ELMO1: variants seen among roughly 807,000 people sequenced by gnomAD.
ELMO1 encodes the protein engulfment and cell motility protein 1.
A neutral mutation model predicts 98.9 loss-of-function variants in ELMO1; 26 were observed. The observed-to-expected ratio is 0.26, with a 90% CI of 0.19 to 0.36. The LOEUF (loss-of-function observed/expected upper bound fraction) is 0.36, where lower values mean the gene tolerates loss of function less well. Among genes scored for constraint, ELMO1 ranks in the 10% least tolerant of loss-of-function variants. The probability of loss-of-function intolerance (pLI) is 1.00; values close to 1 mark genes in which losing one functional copy is unlikely to be tolerated. For missense variants in ELMO1, 627 were observed against 935.2 expected, an observed-to-expected ratio of 0.67 and a Z score of 4.30; for synonymous variants, 346 against 346.0, an observed-to-expected ratio of 1.00 and a Z score of 0.00.
At chr7:37,173,453 G>A (rs773570002) in intron 13 of ELMO1, among the ~76,000 whole-genome samples, 4 of 152,172 alleles carry the variant, frequency 2.6e-5, no homozygotes, top group Non-Finnish European at 2.9e-5. Flanking sequence ...AATCTGCCTC[G>A]GATTATACAT....
At chr7:36,938,627 T>A (rs1263360163) in intron 16 of ELMO1, among the ~76,000 whole-genome samples, 1 of 152,244 alleles carries the variant, frequency 6.6e-6, no homozygotes, top group Non-Finnish European at 1.5e-5. Context: ...CATATTATGA[T>A]TAACCATAAC....
chr7:37,058,573 C>T (rs373313268), intron 15 of ELMO1, among the ~76,000 whole-genome samples: 34 of 152,120 alleles, frequency 2.2e-4, no homozygotes, highest in South Asian at 2.1e-3. Context: ...GGTACTGACG[C>T]GAAATGATTC....
chr7:37,260,866 T>G (rs746972704), intron 5 of ELMO1, among the ~76,000 whole-genome samples: 1 of 152,210 alleles, frequency 6.6e-6, no homozygotes, highest in Non-Finnish European at 1.5e-5. Flanking sequence ...AGTGGAGAGC[T>G]GGGTGAGAAT....
intron 13 of ELMO1, among the ~76,000 whole-genome samples, chr7:37,184,915 CCAT>C (rs1229037193): frequency 6.6e-6 from 1 of 152,042 alleles, no homozygotes; most frequent in Non-Finnish European, 1.5e-5. Context: ...AAAAAAAAGT[CCAT>C]CACGAATTAC....
intron 19 of ELMO1, among the ~76,000 whole-genome samples, chr7:36,872,273 G>A (rs577190328): frequency 6.6e-6 from 1 of 152,172 alleles, no homozygotes; most frequent in South Asian, 2.1e-4. Context: ...GGCTCAGGGA[G>A]GACAAGGTGA....
chr7:37,160,983 G>A (rs527593613), intron 13 of ELMO1, among the ~76,000 whole-genome samples: 1 of 152,166 alleles, frequency 6.6e-6, no homozygotes, highest in African/African-American at 2.4e-5. Context: ...ACCTCTCTAA[G>A]GCCACTTCTT....
intron 1 of ELMO1, among the ~76,000 whole-genome samples, chr7:37,372,412 G>T (rs1170927525): frequency 3.9e-5 from 6 of 151,982 alleles, no homozygotes; most frequent in Admixed American, 3.9e-4. Context: ...TAACTCATAG[G>T]GTTGCTGTGA....
In ELMO1 at chr7:37,152,730, C is replaced by G. The variant is rs986626174; in HGVS notation, c.1087-19496G>C. Among the ~76,000 whole-genome samples the G allele has an allele frequency of 2.0e-5, 3 of 152,066 alleles. No individual in the cohort carries two copies. The South Asian group carries it at 6.2e-4, about 32-fold the overall frequency. On this transcript the variant is annotated intron_variant, in intron 13 of 21. Transcript: ENST00000310758. The stretch of plus-strand genomic sequence containing the variant: ...ATTTAGTGAAGTTAAGGAGAAAAGG[C>G]TCTGGTTTAAAAAAGAAGAAAATGA...
intron 1 of ELMO1, among the ~76,000 whole-genome samples, chr7:37,364,362 T>A (rs1801815714): frequency 6.6e-6 from 1 of 152,240 alleles, no homozygotes; most frequent in Non-Finnish European, 1.5e-5. Context: ...TTGTTCCCAG[T>A]TTCAGACAAC....
chr7:37,277,265 T>A (rs1430793764), intron 4 of ELMO1, among the ~76,000 whole-genome samples: 1 of 152,210 alleles, frequency 6.6e-6, no homozygotes, highest in East Asian at 1.9e-4. Context: ...CAGCACTGCA[T>A]CAGCACATAG....
In ELMO1 at chr7:37,433,679, G is replaced by A. The variant is rs546648803; in HGVS notation, c.-74+14996C>T. On this transcript the variant is annotated intron_variant, in intron 1 of 21. Transcript: ENST00000310758. ...ATCCCTCACTGCTGGCTTCTGAGCA[G>A]TACTTGAACACGGGCCCCAGGGAGC... 3.9e-5 allele frequency among the ~76,000 whole-genome samples: 6 copies of A among 152,258 alleles called. No homozygotes were observed. The East Asian group carries it at 1.2e-3, about 29-fold the overall frequency.
At chr7:37,108,168 T>A (rs2129273480) in intron 14 of ELMO1, among the ~76,000 whole-genome samples, 1 of 152,342 alleles carries the variant, frequency 6.6e-6, no homozygotes, top group African/African-American at 2.4e-5. Context: ...TACATCTAGC[T>A]TTTTAAATGG....
At chr7:37,393,673 C>T (rs1430180416) in intron 1 of ELMO1, 1 of 152,170 alleles carries the variant, frequency 6.6e-6, no homozygotes, top group Non-Finnish European at 1.5e-5. Flanking sequence ...GTGGAAATAT[C>T]ACAGAAAAGT....
At chr7:37,047,659 T>C (rs969494091) in intron 15 of ELMO1, among the ~76,000 whole-genome samples, 1 of 152,234 alleles carries the variant, frequency 6.6e-6, no homozygotes, top group African/African-American at 2.4e-5. Flanking sequence ...CCATGGCTTG[T>C]CACTACAAAC....
chr7:37,121,490 G>A (rs1584678195), intron 14 of ELMO1, among the ~76,000 whole-genome samples: 1 of 152,210 alleles, frequency 6.6e-6, no homozygotes, highest in Non-Finnish European at 1.5e-5. Context: ...ACAAGCTTCA[G>A]TAGCCAATTC....
intron 4 of ELMO1, among the ~76,000 whole-genome samples, chr7:37,285,690 A>C (rs558453789): frequency 6.6e-6 from 1 of 152,354 alleles, no homozygotes; most frequent in Non-Finnish European, 1.5e-5. Flanking sequence ...AGGGGAAAAA[A>C]GCAGGAAAAA....
intron 13 of ELMO1, among the ~76,000 whole-genome samples, chr7:37,138,168 C>A (rs55920126): frequency 1.7e-3 from 251 of 151,962 alleles, no homozygotes; most frequent in African/African-American, 5.8e-3. Flanking sequence ...CAAGAACAAT[C>A]CAAACCCAAA....
chr7:37,271,964 G>T, intron 4 of ELMO1, 82 bp from the exon 5 acceptor site: 1 of 1,139,434 alleles, frequency 8.8e-7, no homozygotes, highest in Non-Finnish European at 1.3e-6. Flanking sequence ...TAATCTAGCA[G>T]ATATAACAGG....
At chr7:37,358,878 GA>G (rs2131320258) in intron 1 of ELMO1, among the ~76,000 whole-genome samples, 1 of 152,320 alleles carries the variant, frequency 6.6e-6, no homozygotes, top group African/African-American at 2.4e-5. Context: ...AGGTTGGTAA[GA>G]AAGTGACTGA....
Sources: allele counts gnomAD v4.1 joint callset (sites outside exome capture counted in the v4.1 genomes callset), GRCh38; gene constraint gnomAD v4.1.1; transcripts MANE v1.5; gene names NCBI Gene and HGNC (gene_info 2026-07-23, HGNC 2026-07-21).